Variants in BBX observed in about 807,000 individuals in gnomAD.
BBX encodes the protein HMG box transcription factor BBX.
BBX carries 30 observed loss-of-function variants against 100.2 expected under a neutral mutation model. The ratio of observed to expected loss-of-function variants is 0.30; its 90% CI spans 0.22 to 0.41. The LOEUF is 0.41. Among genes scored for constraint, BBX ranks in the 10% least tolerant of loss-of-function variants. The pLI is 1.00. For synonymous variants in BBX, 376 were observed against 388.1 expected, an observed-to-expected ratio of 0.97 and a Z score of 0.37; for missense variants, 1,023 against 1,129.8, an observed-to-expected ratio of 0.91 and a Z score of 1.35.
chr3:107,595,997 T>C (rs1465921618), intron 2 of BBX, among the ~76,000 whole-genome samples: 2 of 152,254 alleles, frequency 1.3e-5, no homozygotes, highest in Non-Finnish European at 2.9e-5. Flanking sequence ...ATTTTTTTGA[T>C]ATTTCTGGGC....
intron 5 of BBX, among the ~76,000 whole-genome samples, chr3:107,724,440 T>C (rs1213267160): frequency 3.3e-5 from 5 of 151,784 alleles, no homozygotes; most frequent in Non-Finnish European, 7.4e-5. Flanking sequence ...TTTTGTCTTT[T>C]GTTGCCATTG....
At chr3:107,568,717 A>G (rs2051122845) in intron 2 of BBX, among the ~76,000 whole-genome samples, 1 of 152,056 alleles carries the variant, frequency 6.6e-6, no homozygotes, top group Non-Finnish European at 1.5e-5. Flanking sequence ...TTCTGGGGAA[A>G]TCCTTGGCCC....
intron 10 of BBX, among the ~76,000 whole-genome samples, chr3:107,766,364 A>T (rs1032180233): frequency 1.2e-4 from 19 of 152,206 alleles, no homozygotes; most frequent in Admixed American, 3.9e-4. Flanking sequence ...GACAAAAATT[A>T]CTCTAAAATC....
intron 10 of BBX, among the ~76,000 whole-genome samples, chr3:107,767,311 G>A (rs1576706648): frequency 6.6e-6 from 1 of 152,140 alleles, no homozygotes; most frequent in East Asian, 1.9e-4. Flanking sequence ...GAGAGGCCAG[G>A]GTCAACAGGG....
At chr3:107,688,377 G>T (rs2059967550) in intron 3 of BBX, among the ~76,000 whole-genome samples, 1 of 152,206 alleles carries the variant, frequency 6.6e-6, no homozygotes, top group South Asian at 2.1e-4. Context: ...CAAAGTAAGA[G>T]AATCCAGGTC....
intron 2 of BBX, chr3:107,526,631 T>C (rs1280974410): frequency 6.0e-6 from 2 of 335,522 alleles, no homozygotes; most frequent in East Asian, 4.6e-5. Flanking sequence ...CAAGTAATTG[T>C]CGTTTCAAAA....
In BBX at chr3:107,710,918, G is replaced by A. The variant is rs150447079; in HGVS notation, c.162+296G>A. The stretch of plus-strand genomic sequence containing the variant: ...GATGGGGATGTTCCTAAAACTTGAT[G>A]TGCTCATCTGACGTTCTACCCTGTG... On this transcript the variant is annotated intron_variant, in intron 4 of 17. Coordinates refer to ENST00000325805, the MANE Select transcript of BBX (RefSeq NM_001142568.3). 2.2e-3 allele frequency among the ~76,000 whole-genome samples: 332 copies of A among 152,294 alleles called. 1 individual carries two copies. The highest frequency in any genetic ancestry group is 7.4e-3 in the African/African-American group (307 of 41,578).
At chr3:107,612,318 A>T (rs918312947) in intron 2 of BBX, among the ~76,000 whole-genome samples, 2 of 152,008 alleles carry the variant, frequency 1.3e-5, no homozygotes, top group Non-Finnish European at 2.9e-5. Flanking sequence ...GGGCATTGAA[A>T]AGTTGGGTAT....
intron 3 of BBX, among the ~76,000 whole-genome samples, chr3:107,678,781 TA>T (rs2059418524): frequency 1.3e-5 from 2 of 152,086 alleles, no homozygotes; most frequent in Non-Finnish European, 2.9e-5. Flanking sequence ...CTTGAATGTT[TA>T]TAGTCCATGA....
At chr3:107,798,834 C>CAA in intron 16 of BBX, 114 bp downstream of exon 16, 2 of 723,012 alleles carry the variant, frequency 2.8e-6, no homozygotes, top group Non-Finnish European at 4.2e-6. Context: ...AGCCAATGAG[C>CAA]TAAAAAAAAA....
chr3:107,549,777 T>C (rs2049522801), intron 2 of BBX, among the ~76,000 whole-genome samples: 1 of 152,134 alleles, frequency 6.6e-6, no homozygotes, highest in African/African-American at 2.4e-5. Flanking sequence ...CTTAAGACTT[T>C]TCCTTGAAAT....
At chr3:107,742,884 T>C (rs9875732) in intron 7 of BBX, among the ~76,000 whole-genome samples, 38,688 of 152,136 alleles carry the variant, frequency 0.25, 6,245 homozygotes, top group Middle Eastern at 0.44. Flanking sequence ...TGACTTGATG[T>C]GTTGTCGTGG....
chr3:107,759,880 A>G (rs933733167), intron 10 of BBX, among the ~76,000 whole-genome samples: 1 of 152,194 alleles, frequency 6.6e-6, no homozygotes, highest in African/African-American at 2.4e-5. Context: ...TTTCTGAAAC[A>G]ATTTTGAATG....
intron 2 of BBX, among the ~76,000 whole-genome samples, chr3:107,584,076 ATATT>A (rs2052550038): frequency 3.5e-5 from 1 of 28,978 alleles, no homozygotes; most frequent in African/African-American, 1.4e-4. Context: ...TATATTATAT[ATATT>A]ATATATATCA....
chr3:107,666,306 T>C (rs1230880073), intron 3 of BBX, among the ~76,000 whole-genome samples: 5 of 152,202 alleles, frequency 3.3e-5, no homozygotes, highest in Non-Finnish European at 7.3e-5. Flanking sequence ...TATTCAGCGA[T>C]ACAGAATGTG....
At chr3:107,700,044 G>A (rs2060923696) in intron 3 of BBX, among the ~76,000 whole-genome samples, 1 of 151,976 alleles carries the variant, frequency 6.6e-6, no homozygotes, top group Non-Finnish European at 1.5e-5. Context: ...GATCCTAGCT[G>A]CATTAGGCAG....
chr3:107,697,800 C>T lies in BBX; in HGVS notation c.-9-12652C>T, dbSNP rs569129035. 9.9e-5 allele frequency among the ~76,000 whole-genome samples: 15 copies of T among 151,992 alleles called. 1 individual carries two copies. The highest frequency in any genetic ancestry group is 7.7e-4 in the East Asian group (4 of 5,178). ...GGCGGGCGCCCCTCCCCCAGCCTCG[C>T]TGCCACCTTGCAGTTTGATCTCAGA... is the stretch of plus-strand genomic sequence containing the variant. On this transcript the variant is annotated intron_variant, in intron 3 of 17. Transcript: ENST00000325805.
Position 107,773,695 on chromosome 3 carries a change from G to A in BBX, c.1915+59G>A, listed in dbSNP as rs2067089239. The A allele has an allele frequency of 4.1e-6, 6 of 1,474,164 alleles. No individual in the cohort carries two copies. Among genetic ancestry groups the A allele is most frequent in the Middle Eastern group, 3.6e-4 (2 of 5,538 alleles). 91.3% of individuals were successfully genotyped at this position (1,474,164 alleles called of 1,614,324 possible). On this transcript the variant is annotated intron_variant, in intron 11 of 17. Coordinates refer to ENST00000325805, the MANE Select transcript of BBX (RefSeq NM_001142568.3). This position sits in a 1 kb window ranked among gnomAD's most constrained non-coding sequence, Gnocchi z 4.1. ...AAAACCAAACAGAATTTCACCTTTA[G>A]ACCTATTGAAAACAACTGCCATAAA... is the stretch of plus-strand genomic sequence containing the variant.
At chr3:107,541,930 T>C (rs2048896486) in intron 2 of BBX, among the ~76,000 whole-genome samples, 1 of 152,086 alleles carries the variant, frequency 6.6e-6, no homozygotes. Flanking sequence ...GTGATCCTTC[T>C]GCCTCAGCCT....
Sources: allele counts gnomAD v4.1 joint callset (sites outside exome capture counted in the v4.1 genomes callset), GRCh38; gene constraint gnomAD v4.1.1; non-coding constraint Gnocchi (gnomAD v3.1); transcripts MANE v1.5; gene names NCBI Gene and HGNC (gene_info 2026-07-23, HGNC 2026-07-21).